CTNNBL1: variants seen among roughly 807,000 people sequenced by gnomAD.
The protein encoded by CTNNBL1 is beta-catenin-like protein 1.
CTNNBL1 carries 31 observed loss-of-function variants against 72.7 expected under a neutral mutation model. The observed-to-expected ratio is 0.43, with a 90% CI of 0.32 to 0.58. CTNNBL1 has a LOEUF of 0.58. Ranked by LOEUF, CTNNBL1 falls within the 20% of genes least tolerant of loss-of-function variation. The pLI, the probability that CTNNBL1 is intolerant of heterozygous loss-of-function variation, is 0.08. For synonymous variants in CTNNBL1, 240 were observed against 267.3 expected, an observed-to-expected ratio of 0.90 and a Z score of 1.00; for missense variants, 534 against 725.1, an observed-to-expected ratio of 0.74 and a Z score of 3.03.
intron 13 of CTNNBL1, among the ~76,000 whole-genome samples, chr20:37,848,653 A>G (rs959451408): frequency 3.3e-5 from 5 of 152,114 alleles, no homozygotes; most frequent in East Asian, 1.9e-4. Context: ...GCCAATCACA[A>G]TCATCCTTTT....
rs371100789 is a variant in CTNNBL1, at chr20:37,733,061, G to C, written c.213G>C (p.Glu71Asp). ...TTGACAGAGATGGGGAAGAGGAAGA[G>C]GAAGAGGTAACGTGGCAGCGCTGGG... ...QIIDRDGEEEEEEEEPLDESS... is the reference protein window; with the variant it reads ...QIIDRDGEEEDEEEEPLDESS... The change falls in exon 2 of 16, where the codon GAG (glutamate) becomes GAC (aspartate). Residue 71 changes from glutamate (E) to aspartate (D), a missense_variant. Glu to Asp is a conservative substitution (Grantham distance 45). Coordinates refer to ENST00000361383, the MANE Select transcript of CTNNBL1 (RefSeq NM_030877.5). The C allele has an allele frequency of 1.9e-6, 3 of 1,611,358 alleles. No individual in the cohort carries two copies. The highest frequency in any genetic ancestry group is 1.8e-4 in the Middle Eastern group (1 of 5,642).
At chr20:37,799,497 G>A (rs1201193941) in intron 10 of CTNNBL1, among the ~76,000 whole-genome samples, 1 of 152,092 alleles carries the variant, frequency 6.6e-6, no homozygotes, top group Non-Finnish European at 1.5e-5. Context: ...TTCGTTCTCT[G>A]CCTGGCAAAT....
intron 10 of CTNNBL1, among the ~76,000 whole-genome samples, chr20:37,792,198 A>G (rs752456304): frequency 6.6e-6 from 1 of 152,146 alleles, no homozygotes; most frequent in African/African-American, 2.4e-5. Flanking sequence ...TTCTCTGATC[A>G]GTGTGGCTAG....
At chr20:37,861,830 C>T (rs6021423) in intron 15 of CTNNBL1, among the ~76,000 whole-genome samples, 9 of 152,232 alleles carry the variant, frequency 5.9e-5, no homozygotes, top group African/African-American at 2.2e-4. Context: ...GTGAGTGTTA[C>T]AAAATACCAG....
intron 1 of CTNNBL1, among the ~76,000 whole-genome samples, chr20:37,722,167 G>C (rs1357543220): frequency 6.6e-6 from 1 of 152,072 alleles, no homozygotes; most frequent in Admixed American, 6.6e-5. Context: ...TTTGTCAAAA[G>C]CTGGCTTTAA....
At chr20:37,777,173 A>T (rs866213172) in intron 7 of CTNNBL1, 172 bp from the exon 8 acceptor site, 1 of 566,330 alleles carries the variant, frequency 1.8e-6, no homozygotes, top group Middle Eastern at 3.2e-4. Context: ...CTGTCACTTT[A>T]CTTGGTTCTG....
intron 13 of CTNNBL1, among the ~76,000 whole-genome samples, chr20:37,849,429 G>A (rs2072376405): frequency 6.6e-6 from 1 of 152,122 alleles, no homozygotes; most frequent in African/African-American, 2.4e-5. Flanking sequence ...ATGTACAAAA[G>A]CCATTCTGTA....
chr20:37,801,636 A>G (rs570956552), intron 10 of CTNNBL1, among the ~76,000 whole-genome samples: 2 of 152,366 alleles, frequency 1.3e-5, no homozygotes, highest in African/African-American at 4.8e-5. Flanking sequence ...TAAGATGCAG[A>G]AAAAGCATCT....
At chr20:37,773,910 T>C (rs143964818) in intron 7 of CTNNBL1, among the ~76,000 whole-genome samples, 7 of 96,064 alleles carry the variant, frequency 7.3e-5, no homozygotes, top group Non-Finnish European at 1.3e-4. Context: ...TCTTTCTCTC[T>C]TTTTTTTTTT....
intron 10 of CTNNBL1, among the ~76,000 whole-genome samples, chr20:37,787,343 GTT>G (rs11482375): frequency 4.7e-5 from 5 of 107,186 alleles, no homozygotes; most frequent in Non-Finnish European, 5.4e-5. Context: ...ATAACTGTGT[GTT>G]TTTTTTTTTT....
At chr20:37,761,631 C>T (rs905734066) in intron 5 of CTNNBL1, among the ~76,000 whole-genome samples, 1 of 152,202 alleles carries the variant, frequency 6.6e-6, no homozygotes, top group Non-Finnish European at 1.5e-5. Context: ...TAGCTGTGAG[C>T]AAGCCTGACA....
At chr20:37,863,653 G>T (rs994857949) in intron 15 of CTNNBL1, among the ~76,000 whole-genome samples, 2 of 152,130 alleles carry the variant, frequency 1.3e-5, no homozygotes, top group African/African-American at 4.8e-5. Flanking sequence ...GTTGGGTGGG[G>T]TGTGGCTGGG....
intron 11 of CTNNBL1, among the ~76,000 whole-genome samples, chr20:37,834,096 T>C (rs1018859298): frequency 6.6e-6 from 1 of 152,166 alleles, no homozygotes; most frequent in African/African-American, 2.4e-5. Flanking sequence ...TATACCTTGC[T>C]CCAGACTGTG....
intron 1 of CTNNBL1, among the ~76,000 whole-genome samples, chr20:37,730,719 G>A (rs934570279): frequency 6.6e-6 from 1 of 152,238 alleles, no homozygotes; most frequent in African/African-American, 2.4e-5. Context: ...GCACACACCT[G>A]TAGTCTCAGC....
At chr20:37,808,301 G>A (rs1221546189) in intron 11 of CTNNBL1, among the ~76,000 whole-genome samples, 1 of 152,174 alleles carries the variant, frequency 6.6e-6, no homozygotes, top group Non-Finnish European at 1.5e-5. Flanking sequence ...GAGGAAATCG[G>A]GTCAGAGCTC....
intron 15 of CTNNBL1, among the ~76,000 whole-genome samples, chr20:37,861,017 C>T (rs752688225): frequency 1.7e-4 from 26 of 152,194 alleles, no homozygotes; most frequent in Non-Finnish European, 3.1e-4. Flanking sequence ...GAACATCCGT[C>T]GGGATGCAGG....
At chr20:37,794,044 G>T (rs987837052) in intron 10 of CTNNBL1, among the ~76,000 whole-genome samples, 3 of 152,162 alleles carry the variant, frequency 2.0e-5, no homozygotes, top group African/African-American at 7.2e-5. Flanking sequence ...CTCCCAAACT[G>T]CTGGGATTAT....
chr20:37,768,163 G>A (rs1308559784), intron 7 of CTNNBL1, 119 bp downstream of exon 7: 4 of 735,128 alleles, frequency 5.4e-6, no homozygotes, highest in African/African-American at 5.3e-5. Context: ...GGAAGCTTCT[G>A]GTACCTCTTG....
At chr20:37,737,336 C>A (rs1329266288) in intron 2 of CTNNBL1, 42 bp from the exon 3 acceptor site, 2 of 1,369,138 alleles carry the variant, frequency 1.5e-6, no homozygotes, top group Non-Finnish European at 1.0e-6. Flanking sequence ...GAATGTGAAA[C>A]CCCTGTGGAC....
Sources: gnomAD v4.1 joint callset for allele counts (sites outside exome capture counted in the v4.1 genomes callset) on GRCh38, gnomAD v4.1.1 for gene constraint, MANE v1.5 for transcripts, NCBI Gene and HGNC (gene_info 2026-07-23, HGNC 2026-07-21) for gene names.